The following FABP12 variants were observed in gnomAD, a reference collection of about 807,000 sequenced individuals.
FABP12 encodes the protein fatty acid binding protein 12, also known as fatty acid-binding protein 12.
FABP12 carries 19 observed loss-of-function variants against 13.7 expected under a neutral mutation model. The ratio of observed to expected loss-of-function variants is 1.39; its 90% CI spans 0.97 to 2.04. The LOEUF (loss-of-function observed/expected upper bound fraction) is 2.04. FABP12 is among the 30% of genes most tolerant of loss of function. FABP12 has a pLI of 0.00. For missense variants in FABP12, 182 were observed against 164.2 expected, an observed-to-expected ratio of 1.11 and a Z score of -0.59; for synonymous variants, 61 against 57.0, an observed-to-expected ratio of 1.07 and a Z score of -0.32.
At chr8:81,539,412 A>G (rs1024287413) in intron 2 of FABP12, among the ~76,000 whole-genome samples, 1 of 120,618 alleles carries the variant, frequency 8.3e-6, no homozygotes, top group African/African-American at 3.3e-5. Flanking sequence ...TAAGAAAAAC[A>G]TTTTCCTTAC....
chr8:81,535,159 T>C (rs1809192226), upstream of FABP12, among the ~76,000 whole-genome samples: 1 of 152,198 alleles, frequency 6.6e-6, no homozygotes. Context: ...GCTAGAAATA[T>C]TCTAAGATTC....
intron 1 of FABP12, among the ~76,000 whole-genome samples, chr8:81,548,961 C>A (rs1458979890): frequency 6.6e-6 from 1 of 152,158 alleles, no homozygotes; most frequent in African/African-American, 2.4e-5. Flanking sequence ...AACACTTAAA[C>A]AGACAGACGT....
intron 1 of FABP12, among the ~76,000 whole-genome samples, chr8:81,566,425 A>G (rs1479542868): frequency 6.6e-6 from 1 of 152,164 alleles, no homozygotes; most frequent in Non-Finnish European, 1.5e-5. Flanking sequence ...TCAACAAAAT[A>G]CTATCAAACC....
chr8:81,562,876 G>A (rs1297888912), intron 1 of FABP12, among the ~76,000 whole-genome samples: 1 of 152,204 alleles, frequency 6.6e-6, no homozygotes, highest in African/African-American at 2.4e-5. Context: ...TACAAGCCTG[G>A]TTGGCTTCAC....
At chr8:81,539,100 C>T (rs917245455) in intron 2 of FABP12, among the ~76,000 whole-genome samples, 18 of 152,264 alleles carry the variant, frequency 1.2e-4, no homozygotes, top group African/African-American at 4.3e-4. Flanking sequence ...CTGCCCACCT[C>T]GGCCTCCCAA....
intron 4 of FABP12, among the ~76,000 whole-genome samples, 160 bp downstream of exon 4, chr8:81,526,860 A>G (rs1373402743): frequency 6.6e-6 from 1 of 152,236 alleles, no homozygotes; most frequent in African/African-American, 2.4e-5. Context: ...CACATTTTAT[A>G]TAATGCTTAC....
At chr8:81,527,037 C>T in exon 4 of FABP12, 2 of 1,608,624 alleles carry the variant, frequency 1.2e-6, no homozygotes, top group Non-Finnish European at 1.7e-6. Flanking sequence ...ATTTTCCCAT[C>T]CACCAGCTTT....
chr8:81,550,068 T>C (rs1238645514), intron 1 of FABP12, among the ~76,000 whole-genome samples: 1 of 152,198 alleles, frequency 6.6e-6, no homozygotes, highest in Non-Finnish European at 1.5e-5. Flanking sequence ...GTCTCAAATC[T>C]GTCCATTTTC....
At chr8:81,547,617 C>T (rs1809455648) in intron 1 of FABP12, among the ~76,000 whole-genome samples, 1 of 152,194 alleles carries the variant, frequency 6.6e-6, no homozygotes, top group South Asian at 2.1e-4. Flanking sequence ...ATCCACAAAG[C>T]CAACAATTAA....
intron 1 of FABP12, among the ~76,000 whole-genome samples, chr8:81,570,074 A>T (rs75434302): frequency 0.018 from 2,672 of 152,342 alleles, 59 homozygotes; most frequent in African/African-American, 0.058. Context: ...AGGTGCCAGC[A>T]TTGGTGCCAG....
chr8:81,535,649 G>A (rs182383158), upstream of FABP12, among the ~76,000 whole-genome samples: 7 of 152,246 alleles, frequency 4.6e-5, no homozygotes, highest in East Asian at 3.9e-4. Context: ...ATTCAGACCC[G>A]AGGCTGTCAG....
At chr8:81,542,366 G>A (rs1214948900) in intron 1 of FABP12, among the ~76,000 whole-genome samples, 1 of 152,108 alleles carries the variant, frequency 6.6e-6, no homozygotes, top group Non-Finnish European at 1.5e-5. Flanking sequence ...TCACCTTGGG[G>A]CATCTTGGCA....
chr8:81,531,605 G>A (rs1809077396), intron 1 of FABP12, among the ~76,000 whole-genome samples: 1 of 152,144 alleles, frequency 6.6e-6, no homozygotes, highest in Non-Finnish European at 1.5e-5. Context: ...AAAACTAAAT[G>A]TTACTTTCCT....
At chr8:81,560,732 C>T (rs905980512) in intron 1 of FABP12, among the ~76,000 whole-genome samples, 3 of 152,198 alleles carry the variant, frequency 2.0e-5, no homozygotes, top group Non-Finnish European at 2.9e-5. Flanking sequence ...ATATTATCTC[C>T]ATTTTACAGA....
chr8:81,577,724 C>A (rs569856726), intron 1 of FABP12, among the ~76,000 whole-genome samples: 63 of 152,290 alleles, frequency 4.1e-4, no homozygotes, highest in African/African-American at 1.5e-3. Flanking sequence ...TTCCGCCATG[C>A]ACTCTAGCCT....
chr8:81,557,721 T>G (rs1809643838), intron 1 of FABP12, among the ~76,000 whole-genome samples: 1 of 152,242 alleles, frequency 6.6e-6, no homozygotes, highest in Admixed American at 6.5e-5. Flanking sequence ...AAAGTAAAAT[T>G]ATACTTTAGT....
chr8:81,569,455 CAG>C (rs1809885859), intron 1 of FABP12, among the ~76,000 whole-genome samples: 1 of 152,102 alleles, frequency 6.6e-6, no homozygotes, highest in Non-Finnish European at 1.5e-5. Flanking sequence ...CTAGAAGAAA[CAG>C]ACTGATTCTG....
chr8:81,578,162 C>A (rs1479308338), intron 1 of FABP12, among the ~76,000 whole-genome samples: 3 of 152,190 alleles, frequency 2.0e-5, no homozygotes, highest in Non-Finnish European at 4.4e-5. Flanking sequence ...TAAGAATACA[C>A]CAGATGTTTC....
chr8:81,587,075 T>C (rs1168510218), intron 1 of FABP12, among the ~76,000 whole-genome samples: 1 of 152,196 alleles, frequency 6.6e-6, no homozygotes, highest in Non-Finnish European at 1.5e-5. Flanking sequence ...CTTGTTATTG[T>C]TGGCTTTATT....
Sources: allele counts gnomAD v4.1 joint callset (sites outside exome capture counted in the v4.1 genomes callset), GRCh38; gene constraint gnomAD v4.1.1; transcripts MANE v1.5; gene names NCBI Gene and HGNC (gene_info 2026-07-23, HGNC 2026-07-21).